Variants in ANKRD44 observed in about 807,000 individuals in gnomAD.
ANKRD44 encodes ankyrin repeat domain 44.
Under a neutral mutation model 116.0 loss-of-function variants are expected in ANKRD44, and 35 were observed. The ratio of observed to expected loss-of-function variants is 0.30; its 90% confidence interval spans 0.23 to 0.40. The LOEUF (loss-of-function observed/expected upper bound fraction) is 0.40. ANKRD44 is among the 10% of genes least tolerant of loss of function. ANKRD44 has a pLI of 1.00. For missense variants in ANKRD44, 1,014 were observed against 1,242.6 expected (o/e 0.82, Z 2.77); for synonymous variants, 435 against 461.8 (o/e 0.94, Z 0.74).
In ANKRD44 at chr2:196,990,664, C is replaced by T. The variant is rs1347765190; in HGVS notation, c.2924-1015G>A. On this transcript the variant is annotated intron_variant, in intron 27 of 27. Coordinates refer to ENST00000282272, the MANE Select transcript of ANKRD44 (RefSeq NM_001195144.2). ...TCCAACACAGGTGATCAAAGAAAAG[C>T]TTCTACAGTCCAAAGTCAAAACGTT... 11 of 1,232,000 alleles carry T rather than the reference C, an allele frequency of 8.9e-6. No homozygotes were observed. The East Asian group carries it at 1.6e-4, about 18-fold the overall frequency. The allele number at this position is 1,232,000 out of a possible 1,614,324, so 76.3% of individuals were successfully genotyped here.
intron 16 of ANKRD44, among the ~76,000 whole-genome samples, chr2:197,068,390 A>AC (rs1553500784): frequency 7.4e-5 from 5 of 67,248 alleles, no homozygotes; most frequent in Non-Finnish European, 1.6e-4. Context: ...AAAAAAATAA[A>AC]AAAAAAATAA....
intron 16 of ANKRD44, among the ~76,000 whole-genome samples, chr2:197,025,746 T>C (rs1370717770): frequency 6.6e-6 from 1 of 152,244 alleles, no homozygotes. Flanking sequence ...TTACAGCAGA[T>C]GGCCAGGCAA....
intron 2 of ANKRD44, among the ~76,000 whole-genome samples, chr2:197,158,950 T>C (rs2079888782): frequency 6.6e-6 from 1 of 151,574 alleles, no homozygotes; most frequent in Admixed American, 6.6e-5. Flanking sequence ...AGACTAATGC[T>C]AGATTAAACA....
chr2:197,223,494 A>G (rs2081631186), intron 1 of ANKRD44, among the ~76,000 whole-genome samples: 1 of 152,140 alleles, frequency 6.6e-6, no homozygotes, highest in African/African-American at 2.4e-5. Flanking sequence ...ATTCATTTTC[A>G]CCCTCATATA....
At chr2:197,051,059 C>G (rs2077097651) in intron 16 of ANKRD44, among the ~76,000 whole-genome samples, 1 of 150,090 alleles carries the variant, frequency 6.7e-6, no homozygotes, top group African/African-American at 2.5e-5. Flanking sequence ...ACCTCCTGGG[C>G]TCAAGTGATC....
intron 14 of ANKRD44, among the ~76,000 whole-genome samples, chr2:197,082,898 T>A (rs1474494378): frequency 6.6e-6 from 1 of 152,172 alleles, no homozygotes; most frequent in Admixed American, 6.5e-5. Flanking sequence ...CTCCTCTAGC[T>A]CCTGAAAGGG....
At chr2:197,209,138 A>G (rs1574277731) in intron 1 of ANKRD44, among the ~76,000 whole-genome samples, 1 of 152,352 alleles carries the variant, frequency 6.6e-6, no homozygotes, top group African/African-American at 2.4e-5. Flanking sequence ...TGAAAAGACA[A>G]GACGTTCTGA....
chr2:197,186,887 G>T, intron 2 of ANKRD44, 136 bp downstream of exon 2: 1 of 636,446 alleles, frequency 1.6e-6, no homozygotes, highest in South Asian at 2.2e-5. Context: ...TCTTATATAG[G>T]GTTTAAGAAC....
chr2:197,118,663 GA>G (rs1430513569), intron 8 of ANKRD44, among the ~76,000 whole-genome samples: 2 of 143,422 alleles, frequency 1.4e-5, no homozygotes, highest in Non-Finnish European at 3.1e-5. Context: ...AAGAAAGAAA[GA>G]AAGAAAGAAA....
At chr2:197,018,261 T>C (rs1027502602) in intron 17 of ANKRD44, among the ~76,000 whole-genome samples, 5 of 152,156 alleles carry the variant, frequency 3.3e-5, no homozygotes, top group African/African-American at 1.2e-4. Flanking sequence ...CCCTCACTGA[T>C]ACCAATATCC....
At chr2:197,242,432 A>G (rs1047976507) in intron 1 of ANKRD44, among the ~76,000 whole-genome samples, 1 of 152,210 alleles carries the variant, frequency 6.6e-6, no homozygotes, top group East Asian at 1.9e-4. Context: ...CCACATTTCC[A>G]GTTATACCAG....
chr2:197,290,739 G>A (rs1161285723), intron 1 of ANKRD44, among the ~76,000 whole-genome samples: 1 of 152,074 alleles, frequency 6.6e-6, no homozygotes, highest in African/African-American at 2.4e-5. Context: ...TTAACTCTTA[G>A]CATCTCAGGA....
chr2:197,037,329 T>C (rs2076826550), intron 16 of ANKRD44, among the ~76,000 whole-genome samples: 1 of 152,220 alleles, frequency 6.6e-6, no homozygotes, highest in Non-Finnish European at 1.5e-5. Context: ...AATAATAATG[T>C]AAGGGGTTGA....
At chr2:197,112,381 G>A (rs1003712615) in intron 8 of ANKRD44, among the ~76,000 whole-genome samples, 1 of 152,164 alleles carries the variant, frequency 6.6e-6, no homozygotes, top group Non-Finnish European at 1.5e-5. Context: ...ACCAAGGACT[G>A]CCCACGTCTG....
At chr2:197,084,723 C>T (rs2077880674) in intron 13 of ANKRD44, among the ~76,000 whole-genome samples, 1 of 151,910 alleles carries the variant, frequency 6.6e-6, no homozygotes, top group Non-Finnish European at 1.5e-5. Flanking sequence ...TTTAGTTTCT[C>T]TCTCATTAGT....
At chr2:197,085,538 C>T (rs1317077118) in intron 13 of ANKRD44, among the ~76,000 whole-genome samples, 2 of 152,034 alleles carry the variant, frequency 1.3e-5, no homozygotes, top group South Asian at 2.1e-4. Flanking sequence ...GTAAAGAAGC[C>T]GGTCAAAACC....
intron 15 of ANKRD44, 112 bp downstream of exon 15, chr2:197,081,533 C>T (rs1409582670): frequency 3.4e-6 from 3 of 895,412 alleles, no homozygotes; most frequent in African/African-American, 1.7e-5. Flanking sequence ...ATATCACTTC[C>T]TCAAGATCCC....
intron 1 of ANKRD44, among the ~76,000 whole-genome samples, chr2:197,275,208 G>A (rs935987319): frequency 2.0e-5 from 3 of 151,532 alleles, no homozygotes; most frequent in Non-Finnish European, 4.4e-5. Context: ...TCAACCTCGC[G>A]GGCTCAAGCA....
intron 2 of ANKRD44, among the ~76,000 whole-genome samples, chr2:197,162,328 G>A (rs2079986902): frequency 6.6e-6 from 1 of 152,178 alleles, no homozygotes; most frequent in South Asian, 2.1e-4. Flanking sequence ...AAAGCCAACA[G>A]AGCTCTATGA....
Sources: gnomAD v4.1 joint callset for allele counts (sites outside exome capture counted in the v4.1 genomes callset) on GRCh38, gnomAD v4.1.1 for gene constraint, MANE v1.5 for transcripts, NCBI Gene and HGNC (gene_info 2026-07-23, HGNC 2026-07-21) for gene names.